PPP1R16A: variants seen among roughly 807,000 people sequenced by gnomAD.
PPP1R16A encodes the protein protein phosphatase 1 regulatory subunit 16A.
PPP1R16A carries 39 observed loss-of-function variants against 46.6 expected under a neutral mutation model. The observed-to-expected ratio is 0.84, with a 90% CI of 0.65 to 1.09. The LOEUF is 1.09. PPP1R16A is among the 50% of genes least tolerant of loss of function. PPP1R16A has a pLI of 0.00. For synonymous variants in PPP1R16A, 413 were observed against 321.5 expected (o/e 1.28, Z -3.04); for missense variants, 798 against 735.6 (o/e 1.08, Z -0.98).
At position 144,493,249 on chromosome 8, in the gene PPP1R16A, G is replaced by C. The variant is rs1321968489; in HGVS notation, c.-735+3037G>C. 1.3e-5 allele frequency among the ~76,000 whole-genome samples: 2 copies of C among 152,136 alleles called. No individual in the cohort carries two copies. The highest frequency in any genetic ancestry group is 4.8e-5 in the African/African-American group (2 of 41,442). On this transcript the variant is annotated intron_variant, in intron 2 of 11. Transcript: ENST00000435887. This position sits in a 1 kb window ranked among gnomAD's most constrained non-coding sequence, Gnocchi z 4.3. ...CACTCAGGCAGCTGGCCTGGGCTTTGAGGAGTGGAATGAACCCACCGGGTT... is the reference window on the plus strand; with the variant it reads ...CACTCAGGCAGCTGGCCTGGGCTTTCAGGAGTGGAATGAACCCACCGGGTT...
At position 144,501,925 on chromosome 8, in the gene PPP1R16A, G is replaced by T. The variant is rs946311104; in HGVS notation, c.*22G>T. 6.7e-7 allele frequency: 1 copy of T among 1,495,732 alleles called. No homozygotes were observed. Among genetic ancestry groups the T allele is most frequent in the Non-Finnish European group, 8.9e-7 (1 of 1,123,626 alleles). 92.7% of individuals were successfully genotyped at this position (1,495,732 alleles called of 1,614,324 possible). A position where few individuals can be genotyped will look rare whatever the true frequency, so the allele number is the denominator to read the frequency against. ...GTGAGGCTGTTGCTCAGCATGCAGG[G>T]GCCCTGTCGCGGGCACAGCCCAAGG... On this transcript the variant is annotated 3_prime_UTR_variant, in exon 12 of 12. Coordinates refer to ENST00000435887, the MANE Select transcript of PPP1R16A (RefSeq NM_001329443.2).
In PPP1R16A at chr8:144,500,115, G is replaced by C. The variant is rs1405594204; in HGVS notation, c.496G>C (p.Val166Leu). 4.3e-6 allele frequency: 7 copies of C among 1,610,794 alleles called. No homozygotes were observed. The highest frequency in any genetic ancestry group is 1.6e-4 in the Middle Eastern group (1 of 6,078). ...LIASGANLLAVNTDGNMPYDL... is the reference protein window; with the variant it reads ...LIASGANLLALNTDGNMPYDL... ...CTGCAGTGGCGCCAATCTCCTGGCGGTCAACACCGACGGGAACATGCCCTA... is the reference window on the plus strand; with the variant it reads ...CTGCAGTGGCGCCAATCTCCTGGCGCTCAACACCGACGGGAACATGCCCTA... Residue 166 changes from valine (V) to leucine (L), a missense_variant, in exon 6 of 12, where the codon GTC becomes CTC. Transcript: ENST00000435887.
At chr8:144,484,882 G>A (rs1825578947) in intron 1 of PPP1R16A, among the ~76,000 whole-genome samples, 1 of 152,214 alleles carries the variant, frequency 6.6e-6, no homozygotes, top group African/African-American at 2.4e-5. Context: ...AATGATTTGT[G>A]TTTGTAGATA....
intron 1 of PPP1R16A, among the ~76,000 whole-genome samples, chr8:144,484,710 G>A (rs1196674339): frequency 2.0e-5 from 3 of 152,190 alleles, no homozygotes; most frequent in Admixed American, 6.5e-5. Context: ...TCCAGCCCCT[G>A]ACAGACATTG....
At chr8:144,481,918 C>G (rs1481227564) in intron 1 of PPP1R16A, among the ~76,000 whole-genome samples, 1 of 151,816 alleles carries the variant, frequency 6.6e-6, no homozygotes, top group Non-Finnish European at 1.5e-5. Flanking sequence ...GCTGGGACTA[C>G]AGGCGCCTGC....
chr8:144,490,936 A>G (rs2130324211), intron 2 of PPP1R16A, among the ~76,000 whole-genome samples: 1 of 151,594 alleles, frequency 6.6e-6, no homozygotes, highest in African/African-American at 2.4e-5. Flanking sequence ...GGTGGCGTGC[A>G]CCTCCCCAGC....
chr8:144,500,928 C>T lies in PPP1R16A; in HGVS notation c.994C>T (p.Arg332Cys). 4 of 1,523,530 alleles carry T rather than the reference C, an allele frequency of 2.6e-6. No individual in the cohort carries two copies. Among genetic ancestry groups the T allele is most frequent in the African/African-American group, 1.4e-5 (1 of 70,182 alleles). 94.4% of individuals were successfully genotyped at this position (1,523,530 alleles called of 1,614,324 possible). Residue 332 changes from arginine to cysteine, a missense_variant, in exon 10 of 12, where the codon CGC (arginine) becomes TGC (cysteine). Physicochemically the swap from Arg to Cys is radical, Grantham distance 180 (BLOSUM62 -3). Coordinates refer to ENST00000435887, the MANE Select transcript of PPP1R16A (RefSeq NM_001329443.2). The stretch of plus-strand genomic sequence containing the variant: ...CCTCCTGCGCGCCCAGAGCCGCCAG[C>T]GCTCCTTGCTGCGCCGCCGCACCTC... ...DALLRAQSRQ[R>C]SLLRRRTSSA...
intron 2 of PPP1R16A, among the ~76,000 whole-genome samples, chr8:144,491,545 C>T (rs535174578): frequency 9.2e-5 from 14 of 152,216 alleles, no homozygotes; most frequent in East Asian, 3.9e-4. Flanking sequence ...GAGCAGATCA[C>T]GAGGTCAGGA....
Position 144,499,931 on chromosome 8 carries a change from G to A in PPP1R16A, c.477-165G>A, listed in dbSNP as rs1826325768. ...TGTCTGGCTTAATGACAGGATCTAG[G>A]ACAGCCGATGGGCCCCAAGGCTGCC... On this transcript the variant is annotated intron_variant, in intron 5 of 11. Transcript: ENST00000435887. 7.6e-6 allele frequency: 5 copies of A among 654,458 alleles called. No homozygotes were observed. The South Asian group carries it at 9.3e-5, about 12-fold the overall frequency. The allele number at this position is 654,458 out of a possible 1,614,324, so 40.5% of individuals were successfully genotyped here.
intron 3 of PPP1R16A, chr8:144,498,461 G>T: frequency 2.4e-6 from 1 of 418,216 alleles, no homozygotes; most frequent in East Asian, 4.2e-5. Context: ...CTCTTCCTGG[G>T]CTGGAGGGAG....
intron 11 of PPP1R16A, 47 bp from the exon 12 acceptor site, chr8:144,501,473 A>AG (rs1366372233): frequency 3.8e-5 from 57 of 1,490,042 alleles, no homozygotes; most frequent in Non-Finnish European, 4.7e-5. Flanking sequence ...AAGGCCAGGG[A>AG]GGGGGGAGGA....
At chr8:144,483,899 C>T (rs1825539769) in intron 1 of PPP1R16A, among the ~76,000 whole-genome samples, 1 of 152,340 alleles carries the variant, frequency 6.6e-6, no homozygotes, top group African/African-American at 2.4e-5. Context: ...CCACCTTCCC[C>T]TGCTCATCTC....
intron 4 of PPP1R16A, 30 bp downstream of exon 4, chr8:144,498,870 G>T (rs781518007): frequency 3.1e-6 from 5 of 1,612,288 alleles, no homozygotes; most frequent in Non-Finnish European, 4.2e-6. Flanking sequence ...GGGCAGGGTG[G>T]GGGCTGGCCC....
chr8:144,495,786 A>G (rs955952476), intron 2 of PPP1R16A: 7 of 152,284 alleles, frequency 4.6e-5, no homozygotes, highest in African/African-American at 7.2e-5. Flanking sequence ...CAGCAACCAC[A>G]CTTAGTGTGT....
At position 144,497,333 on chromosome 8, in the gene PPP1R16A, A is replaced by G. The variant is rs771488119; in HGVS notation, c.139A>G (p.Lys47Glu). ...WAQAEKEAQG[K>E]KGPGERPRKE... ...CCAGGCTGAGAAGGAGGCCCAGGGC[A>G]AGAAGGGTCCTGGGGAGCGTCCCCG... The change falls in exon 3 of 12, where the codon AAG (lysine) becomes GAG (glutamate). Residue 47 changes from lysine to glutamate, a missense_variant. By Grantham distance (56) the Lys-to-Glu change is moderately conservative. Transcript: ENST00000435887. 89 of 1,612,630 alleles carry G rather than the reference A, an allele frequency of 5.5e-5. No homozygotes were observed. Among genetic ancestry groups the G allele is most frequent in the Non-Finnish European group, 7.1e-5 (84 of 1,179,896 alleles).
At chr8:144,500,796 A>T in intron 9 of PPP1R16A, 35 bp downstream of exon 9, 1 of 1,606,142 alleles carries the variant, frequency 6.2e-7, no homozygotes. Flanking sequence ...CCTGGGGGAG[A>T]GGACAGGCGG....
At chr8:144,501,068 G>C (rs764620727) in intron 10 of PPP1R16A, 61 bp from the exon 11 acceptor site, 115 of 1,565,198 alleles carry the variant, frequency 7.3e-5, no homozygotes, top group Non-Finnish European at 9.8e-5. Flanking sequence ...AGTCCGAGGG[G>C]GTGGGCGGGG....
chr8:144,500,544 C>G lies in PPP1R16A; in HGVS notation c.763C>G (p.Arg255Gly), dbSNP rs774899840. ...GGCGGCTGCCCTGCTGCTGGAACAC[C>G]GAGCCAGCCTGAGCGCTAAGGACCA... Reference protein sequence around the residue: ...SEAAALLLEHRASLSAKDQDG... With the variant: ...SEAAALLLEHGASLSAKDQDG... The change falls in exon 8 of 12, where the codon CGA becomes GGA. Residue 255 changes from arginine to glycine, a missense_variant. Arg to Gly is a moderately radical substitution (Grantham distance 125). Transcript: ENST00000435887. 4 of 1,595,914 alleles carry G rather than the reference C, an allele frequency of 2.5e-6. No homozygotes were observed. The highest frequency in any genetic ancestry group is 1.7e-5 in the Admixed American group (1 of 59,666).
At chr8:144,480,922 T>C (rs1825386983) in intron 1 of PPP1R16A, among the ~76,000 whole-genome samples, 1 of 151,842 alleles carries the variant, frequency 6.6e-6, no homozygotes, top group South Asian at 2.1e-4. Context: ...AGTCTCATGC[T>C]GTGTCGCCCA....
Sources: gnomAD v4.1 joint callset for allele counts (sites outside exome capture counted in the v4.1 genomes callset) on GRCh38, gnomAD v4.1.1 for gene constraint, Gnocchi (gnomAD v3.1) non-coding constraint, MANE v1.5 for transcripts, NCBI Gene and HGNC (gene_info 2026-07-23, HGNC 2026-07-21) for gene names.